Variants in ADGRG4 observed in about 807,000 individuals in gnomAD.
ADGRG4 encodes the protein adhesion G protein-coupled receptor G4.
In ADGRG4, 122 loss-of-function variants were observed where a neutral mutation model predicts 126.2. The observed-to-expected ratio is 0.97, with a 90% CI of 0.83 to 1.12. The LOEUF is 1.12. Ranked by LOEUF, ADGRG4 falls within the 50% of genes most tolerant of loss-of-function variation. ADGRG4 has a pLI of 0.00. For missense variants in ADGRG4, 2,481 were observed against 2,251.8 expected, an observed-to-expected ratio of 1.10 and a Z score of -2.06; for synonymous variants, 943 against 838.7, an observed-to-expected ratio of 1.12 and a Z score of -2.15.
intron 4 of ADGRG4, among the ~76,000 whole-genome samples, chrX:136,320,309 G>A (rs968199344): frequency 2.7e-5 from 3 of 111,712 alleles, no homozygotes. Context: ...GAAATTGCTG[G>A]GTCAAAGGAT....
chrX:136,387,711 A>G (rs1569334989), intron 15 of ADGRG4, 29 bp from the exon 16 acceptor site: 1 of 1,198,073 alleles, frequency 8.3e-7, no homozygotes, highest in Middle Eastern at 2.3e-4. Flanking sequence ...TGAAGACTCC[A>G]ATTTTCATTT....
chrX:136,318,528 G>A (rs1603291393), intron 4 of ADGRG4, among the ~76,000 whole-genome samples: 1 of 111,830 alleles, frequency 8.9e-6, no homozygotes, highest in Non-Finnish European at 1.9e-5. Context: ...GGTTTAAATG[G>A]TAAATTTTAT....
At position 136,346,929 on chromosome X, in the gene ADGRG4, A is replaced by G. The variant is rs763820163; in HGVS notation, c.3223A>G (p.Ile1075Val). The change falls in exon 6 of 26, where the codon ATT (isoleucine) becomes GTT (valine). Residue 1075 changes from isoleucine (I) to valine (V), a missense_variant. Physicochemically the swap from Ile to Val is conservative, Grantham distance 29. Coordinates refer to ENST00000394143, the MANE Select transcript of ADGRG4 (RefSeq NM_153834.4). ...TTTGGATCAGACTGCTTCCACAACC[A>G]TTGTTATTGTGCCTACCCATGGAGA... ...PPLDQTASTT[I>V]VIVPTHGDLI... The G allele has an allele frequency of 4.3e-5, 52 of 1,209,055 alleles. No individual in the cohort carries two copies. In the South Asian group the frequency reaches 8.1e-4, roughly 19 times the overall value.
At chrX:136,311,458 G>A (rs2074770940) in intron 4 of ADGRG4, among the ~76,000 whole-genome samples, 1 of 109,223 alleles carries the variant, frequency 9.2e-6, no homozygotes, top group Admixed American at 9.9e-5. Flanking sequence ...AGTAGGACAG[G>A]CTTTGCTGGC....
intron 16 of ADGRG4, among the ~76,000 whole-genome samples, chrX:136,388,897 A>G (rs1282730668): frequency 2.7e-5 from 3 of 112,591 alleles, no homozygotes; most frequent in African/African-American, 9.6e-5. Context: ...TTCAAAGTTC[A>G]TGTATTTAAA....
chrX:136,357,145 A>T (rs1157437276), intron 9 of ADGRG4, among the ~76,000 whole-genome samples: 1 of 112,178 alleles, frequency 8.9e-6, no homozygotes, highest in African/African-American at 3.2e-5. Flanking sequence ...CCTTTCAGTA[A>T]CAGGTGTAAA....
intron 15 of ADGRG4, among the ~76,000 whole-genome samples, chrX:136,383,466 A>G (rs2075274064): frequency 9.0e-6 from 1 of 111,619 alleles, no homozygotes; most frequent in Non-Finnish European, 1.9e-5. Flanking sequence ...CAAGTCATCC[A>G]AGCCTTCTTA....
intron 23 of ADGRG4, among the ~76,000 whole-genome samples, chrX:136,407,999 C>T (rs1445256266): frequency 8.9e-6 from 1 of 111,922 alleles, no homozygotes; most frequent in Non-Finnish European, 1.9e-5. Flanking sequence ...GTGGTAACTC[C>T]AGGCTTCTCT....
intron 4 of ADGRG4, 114 bp downstream of exon 4, chrX:136,308,961 T>C: frequency 2.1e-6 from 1 of 486,967 alleles, no homozygotes; most frequent in Non-Finnish European, 3.5e-6. Flanking sequence ...CTCTTAATGG[T>C]CACCTTTTGG....
intron 18 of ADGRG4, among the ~76,000 whole-genome samples, 164 bp downstream of exon 18, chrX:136,393,744 GAATTAAGAC>G (rs1426192585): frequency 9.0e-6 from 1 of 111,540 alleles, no homozygotes; most frequent in Non-Finnish European, 1.9e-5. Context: ...TAGGGCATGG[GAATTAAGAC>G]AACTTTCCTT....
chrX:136,350,007 A>G lies in ADGRG4; in HGVS notation c.6301A>G (p.Ile2101Val), dbSNP rs1233271579. 3 of 1,208,581 alleles carry G rather than the reference A, an allele frequency of 2.5e-6. No homozygotes were observed. The highest frequency in any genetic ancestry group is 2.2e-5 in the Admixed American group (1 of 45,644). ...AAATGTCACAGATGACATTGTGTAC[A>G]TTTCCACACACCCTGAGGCATCCTC... The part of the protein sequence containing the change: ...SINVTDDIVY[I>V]STHPEASSRT... Residue 2101 changes from isoleucine to valine, a missense_variant, in exon 6 of 26, where the codon ATT becomes GTT. Coordinates refer to ENST00000394143, the MANE Select transcript of ADGRG4 (RefSeq NM_153834.4).
At chrX:136,310,657 C>A (rs1322459771) in intron 4 of ADGRG4, among the ~76,000 whole-genome samples, 1 of 110,833 alleles carries the variant, frequency 9.0e-6, no homozygotes, top group East Asian at 2.8e-4. Flanking sequence ...CTCAGAGATG[C>A]TCTAACTGGG....
intron 15 of ADGRG4, among the ~76,000 whole-genome samples, chrX:136,379,759 C>T (rs367624523): frequency 3.6e-5 from 4 of 110,586 alleles, no homozygotes; most frequent in East Asian, 5.7e-4. Flanking sequence ...GTAGCTGACC[C>T]GTTGAATAAC....
At chrX:136,351,388 C>A (rs2075061737) in intron 6 of ADGRG4, 59 bp from the exon 7 acceptor site, 1 of 681,420 alleles carries the variant, frequency 1.5e-6, no homozygotes. Context: ...ACCAAATTTA[C>A]AGAAGTCAAA....
chrX:136,348,062 C>G lies in ADGRG4; in HGVS notation c.4356C>G (p.Ala1452=), dbSNP rs771246860. 1.7e-6 allele frequency: 2 copies of G among 1,209,038 alleles called. No individual in the cohort carries two copies. The highest frequency in any genetic ancestry group is 2.2e-6 in the Non-Finnish European group (2 of 892,960). Reference sequence around the variant, plus strand: ...CACAACCTGAGGTGACTTCAGTTGCCTCTTTCATTTCTGAAAGCACACAGA... The same window carrying G: ...CACAACCTGAGGTGACTTCAGTTGCGTCTTTCATTTCTGAAAGCACACAGA... ...LRTQPEVTSV[A]SFISESTQTF... Residue 1452 remains alanine (A), a synonymous_variant, in exon 6 of 26, where the codon GCC becomes GCG. Transcript: ENST00000394143.
rs367694564 is a variant in ADGRG4, at chrX:136,309,019, C to A, written c.70+172C>A. On this transcript the variant is annotated intron_variant, in intron 4 of 25. Coordinates refer to ENST00000394143, the MANE Select transcript of ADGRG4 (RefSeq NM_153834.4). ...TGAAGCATCAGTAAGTGAATTAATTCATTCATCATTCTGTACTACTGATAG... is the reference window on the plus strand; with the variant it reads ...TGAAGCATCAGTAAGTGAATTAATTAATTCATCATTCTGTACTACTGATAG... 6.2e-5 allele frequency among the ~76,000 whole-genome samples: 7 copies of A among 112,481 alleles called. No homozygotes were observed. The South Asian group carries it at 1.5e-3, about 24-fold the overall frequency.
Position 136,345,994 on chromosome X carries a change from C to T in ADGRG4, c.2288C>T (p.Thr763Ile), listed in dbSNP as rs775190780. The change falls in exon 6 of 26, where the codon ACA becomes ATA. Residue 763 changes from threonine to isoleucine, a missense_variant. Transcript: ENST00000394143. Reference protein sequence around the residue: ...EFKLTTLLLKTIPMSTKPANE... With the variant: ...EFKLTTLLLKIIPMSTKPANE... ...AAACTTACCACTTTACTACTAAAAA[C>T]AATACCTATGTCTACAAAACCTGCA... is the stretch of plus-strand genomic sequence containing the variant. 6 of 1,206,809 alleles carry T rather than the reference C, an allele frequency of 5.0e-6. No homozygotes were observed. Among genetic ancestry groups the T allele is most frequent in the Middle Eastern group, 2.3e-4 (1 of 4,337 alleles).
chrX:136,409,919 A>G (rs2075436939), intron 23 of ADGRG4, among the ~76,000 whole-genome samples: 1 of 112,691 alleles, frequency 8.9e-6, no homozygotes, highest in Admixed American at 9.3e-5. Context: ...CTTGTGTTCT[A>G]TAGTCAGACT....
In ADGRG4 at chrX:136,387,816, C is replaced by T. The variant is rs140702828; in HGVS notation, c.7853C>T (p.Pro2618Leu). Residue 2618 changes from proline to leucine, a missense_variant, in exon 16 of 26, where the codon CCT (proline) becomes CTT (leucine). Coordinates refer to ENST00000394143, the MANE Select transcript of ADGRG4 (RefSeq NM_153834.4). ...YLPKSLTERI[P>L]LSNLQTILFN... ...CCTAAATCACTGACGGAGAGAATTCCTCTTAGCAACTTACAAACGATCTTG... is the reference window on the plus strand; with the variant it reads ...CCTAAATCACTGACGGAGAGAATTCTTCTTAGCAACTTACAAACGATCTTG... 4.9e-4 allele frequency: 588 copies of T among 1,204,329 alleles called. No individual in the cohort carries two copies. The highest frequency in any genetic ancestry group is 6.3e-4 in the Non-Finnish European group (559 of 890,401).
Sources: gnomAD v4.1 joint callset for allele counts (sites outside exome capture counted in the v4.1 genomes callset) on GRCh38, gnomAD v4.1.1 for gene constraint, MANE v1.5 for transcripts, NCBI Gene and HGNC (gene_info 2026-07-23, HGNC 2026-07-21) for gene names.